Variants in FRMPD4 observed in about 807,000 individuals in gnomAD.
FRMPD4 encodes FERM and PDZ domain-containing protein 4.
In FRMPD4, 22 loss-of-function variants were observed where a neutral mutation model predicts 94.1. The ratio of observed to expected loss-of-function variants is 0.23; its 90% CI spans 0.17 to 0.33. The LOEUF (loss-of-function observed/expected upper bound fraction) is 0.33, where lower values mean the gene tolerates loss of function less well. FRMPD4 is among the 10% of genes least tolerant of loss of function. The pLI is 1.00. For synonymous variants in FRMPD4, 631 were observed against 548.6 expected, an observed-to-expected ratio of 1.15 and a Z score of -2.10; for missense variants, 1,111 against 1,339.9, an observed-to-expected ratio of 0.83 and a Z score of 2.67.
chrX:12,300,283 G>A (rs1271128232), intron 1 of FRMPD4, among the ~76,000 whole-genome samples: 1 of 111,953 alleles, frequency 8.9e-6, no homozygotes, highest in Non-Finnish European at 1.9e-5. Context: ...CTCTGACTGA[G>A]TTTTCAGTGT....
At chrX:12,320,488 C>T (rs2055193362) in intron 1 of FRMPD4, among the ~76,000 whole-genome samples, 2 of 111,734 alleles carry the variant, frequency 1.8e-5, no homozygotes, top group Non-Finnish European at 3.8e-5. Context: ...AACACATGAC[C>T]GAATCGCTGC....
intron 1 of FRMPD4, among the ~76,000 whole-genome samples, chrX:12,330,580 G>A (rs921882064): frequency 2.7e-5 from 3 of 111,303 alleles, no homozygotes; most frequent in Non-Finnish European, 5.7e-5. Flanking sequence ...TGGTGGGGAC[G>A]CACTGGATTC....
At chrX:12,525,624 CTT>C (rs1006891682) in intron 2 of FRMPD4, among the ~76,000 whole-genome samples, 5 of 112,416 alleles carry the variant, frequency 4.4e-5, no homozygotes, top group African/African-American at 1.6e-4. Flanking sequence ...ATGTACAAGT[CTT>C]TGCATGTGAA....
chrX:11,929,584 C>A (rs959717447), intron 3 of FRMPD4, among the ~76,000 whole-genome samples: 2 of 112,425 alleles, frequency 1.8e-5, no homozygotes, highest in African/African-American at 6.5e-5. Flanking sequence ...TGCATCTGTT[C>A]ATAAAGCTAG....
intron 1 of FRMPD4, among the ~76,000 whole-genome samples, chrX:12,343,179 G>A (rs2055644050): frequency 8.9e-6 from 1 of 112,130 alleles, no homozygotes; most frequent in Admixed American, 9.5e-5. Context: ...CAGTGAAAAG[G>A]AGAAAGATGA....
intron 1 of FRMPD4, among the ~76,000 whole-genome samples, chrX:12,246,193 C>T (rs2053955937): frequency 8.9e-6 from 1 of 111,891 alleles, no homozygotes; most frequent in Non-Finnish European, 1.9e-5. Context: ...TTCTGAAAAG[C>T]CTGCTTCTCA....
At chrX:12,276,353 C>T (rs920658563) in intron 1 of FRMPD4, among the ~76,000 whole-genome samples, 2 of 112,102 alleles carry the variant, frequency 1.8e-5, no homozygotes, top group Non-Finnish European at 3.8e-5. Flanking sequence ...TGGTTTTATA[C>T]ATTTTGGGGA....
chrX:12,392,686 G>T (rs774576985), intron 1 of FRMPD4, among the ~76,000 whole-genome samples: 1 of 71,619 alleles, frequency 1.4e-5, no homozygotes, highest in Non-Finnish European at 2.5e-5. Context: ...GTGACTAATG[G>T]CTACCATCTT....
chrX:12,359,336 C>A (rs372578854), intron 1 of FRMPD4, among the ~76,000 whole-genome samples: 1 of 112,115 alleles, frequency 8.9e-6, no homozygotes, highest in Non-Finnish European at 1.9e-5. Context: ...AAATATTACT[C>A]TCAACTTAAT....
chrX:12,109,795 T>C (rs1177036377), intron 3 of FRMPD4, among the ~76,000 whole-genome samples: 1 of 112,109 alleles, frequency 8.9e-6, no homozygotes, highest in African/African-American at 3.2e-5. Flanking sequence ...TAAACACCTC[T>C]ATGCAAATAA....
At chrX:12,427,803 C>T (rs925949030) in intron 1 of FRMPD4, among the ~76,000 whole-genome samples, 2 of 109,264 alleles carry the variant, frequency 1.8e-5, no homozygotes, top group East Asian at 2.9e-4. Context: ...TTGAAAATAA[C>T]GCATAAGTCA....
intron 3 of FRMPD4, among the ~76,000 whole-genome samples, chrX:12,068,507 T>G (rs981433917): frequency 8.9e-6 from 1 of 112,140 alleles, no homozygotes; most frequent in African/African-American, 3.2e-5. Context: ...AGCAGATCTA[T>G]TGACAACTAA....
At chrX:12,575,867 A>C (rs1395714543) in intron 2 of FRMPD4, among the ~76,000 whole-genome samples, 1 of 110,441 alleles carries the variant, frequency 9.1e-6, no homozygotes, top group Non-Finnish European at 1.9e-5. Flanking sequence ...AAGGAAACAG[A>C]CTCCCCCCTA....
intron 2 of FRMPD4, among the ~76,000 whole-genome samples, chrX:12,533,726 A>G (rs150849624): frequency 0.02 from 2,199 of 111,953 alleles, 25 homozygotes; most frequent in Non-Finnish European, 0.03. Flanking sequence ...CTTCAGAGAG[A>G]TGGTTTAGGG....
chrX:12,167,515 A>G (rs2056141749), intron 1 of FRMPD4, among the ~76,000 whole-genome samples: 2 of 111,565 alleles, frequency 1.8e-5, no homozygotes, highest in Admixed American at 9.5e-5. Flanking sequence ...TGGGATTTTA[A>G]TTGGGGGAAA....
chrX:12,146,108 A>G (rs778688763), intron 1 of FRMPD4, among the ~76,000 whole-genome samples: 93 of 106,634 alleles, frequency 8.7e-4, no homozygotes, highest in Admixed American at 2.1e-3. Context: ...TCACGCCTGT[A>G]ATCCCAACAC....
chrX:12,567,139 A>G (rs1438377040), intron 2 of FRMPD4, among the ~76,000 whole-genome samples: 1 of 111,495 alleles, frequency 9.0e-6, no homozygotes, highest in Non-Finnish European at 1.9e-5. Flanking sequence ...ACACAGCCAT[A>G]TTCTGAACCA....
At chrX:12,632,300 G>T (rs986161870) in intron 4 of FRMPD4, among the ~76,000 whole-genome samples, 2 of 111,195 alleles carry the variant, frequency 1.8e-5, no homozygotes, top group African/African-American at 6.6e-5. Context: ...CCCCGCAAAA[G>T]GTTTGAAGGG....
At chrX:11,972,240 C>T (rs1422523966) in intron 3 of FRMPD4, among the ~76,000 whole-genome samples, 1 of 111,916 alleles carries the variant, frequency 8.9e-6, no homozygotes, top group Non-Finnish European at 1.9e-5. Context: ...ATAAAGGACA[C>T]TTAGCTCAGA....
Sources: gnomAD v4.1 joint callset for allele counts (sites outside exome capture counted in the v4.1 genomes callset) on GRCh38, gnomAD v4.1.1 for gene constraint, MANE v1.5 for transcripts, NCBI Gene and HGNC (gene_info 2026-07-23, HGNC 2026-07-21) for gene names.